The following CFAP54 variants were observed in gnomAD, a reference collection of about 807,000 sequenced individuals.
CFAP54 encodes the protein cilia- and flagella-associated protein 54.
In CFAP54, 290 loss-of-function variants were observed where a neutral mutation model predicts 370.4. The ratio of observed to expected loss-of-function variants is 0.78; its 90% CI spans 0.71 to 0.86. The LOEUF is 0.86. CFAP54 is among the 40% of genes least tolerant of loss of function. CFAP54 has a pLI of 0.00. For missense variants in CFAP54, 3,399 were observed against 3,528.7 expected, an observed-to-expected ratio of 0.96 and a Z score of 0.93; for synonymous variants, 1,206 against 1,236.5, an observed-to-expected ratio of 0.98 and a Z score of 0.52.
chr12:96,826,001 A>T (rs1042876772), intron 65 of CFAP54, among the ~76,000 whole-genome samples: 2 of 144,014 alleles, frequency 1.4e-5, no homozygotes. Flanking sequence ...ATAAATAACA[A>T]TATATTAATA....
intron 3 of CFAP54, 144 bp downstream of exon 3, chr12:96,504,173 C>T (rs973736828): frequency 4.1e-5 from 30 of 728,572 alleles, no homozygotes; most frequent in Non-Finnish European, 5.4e-5. Flanking sequence ...ACTTTCAGTG[C>T]TGGATAAGAA....
At chr12:96,500,993 T>C (rs1477384050) in intron 2 of CFAP54, 54 bp downstream of exon 2, 8 of 1,092,448 alleles carry the variant, frequency 7.3e-6, no homozygotes, top group African/African-American at 1.6e-5. Context: ...CTAATTATTA[T>C]TACAGTATTT....
At chr12:96,657,669 C>T (rs1398623411) in intron 36 of CFAP54, among the ~76,000 whole-genome samples, 1 of 152,170 alleles carries the variant, frequency 6.6e-6, no homozygotes, top group South Asian at 2.1e-4. Flanking sequence ...CGATAATGAA[C>T]AGCACAAATA....
chr12:96,857,190 T>G (rs1959728411), intron 66 of CFAP54, among the ~76,000 whole-genome samples: 2 of 152,154 alleles, frequency 1.3e-5, no homozygotes, highest in African/African-American at 4.8e-5. Flanking sequence ...ACATGGGGAT[T>G]ATGGGAACTA....
At chr12:96,821,798 A>T (rs967068365) in intron 65 of CFAP54, among the ~76,000 whole-genome samples, 1 of 151,740 alleles carries the variant, frequency 6.6e-6, no homozygotes, top group Non-Finnish European at 1.5e-5. Context: ...CTTCACATGG[A>T]GCTAATTAGA....
Position 96,786,618 on chromosome 12 carries a change from T to C in CFAP54, c.8456-57T>C, listed in dbSNP as rs114664434. ...GGTTAGTGAGCAAATACCAGCAATA[T>C]TGAGATCATCCCGTTTTCTAATATG... On this transcript the variant is annotated intron_variant, in intron 61 of 67. Transcript: ENST00000524981. 3.1e-3 allele frequency: 3,952 copies of C among 1,267,784 alleles called. 109 individuals are homozygous for C. In the African/African-American group the frequency reaches 0.053, roughly 17 times the overall value. 78.5% of individuals were successfully genotyped at this position (1,267,784 alleles called of 1,614,324 possible).
intron 66 of CFAP54, among the ~76,000 whole-genome samples, chr12:96,847,148 A>G (rs140624174): frequency 1.5e-4 from 23 of 152,276 alleles, no homozygotes; most frequent in African/African-American, 5.3e-4. Context: ...ATGATAACCA[A>G]TTTATAAAGG....
At chr12:96,825,536 C>A in intron 65 of CFAP54, among the ~76,000 whole-genome samples, 1 of 106,354 alleles carries the variant, frequency 9.4e-6, no homozygotes, top group South Asian at 2.8e-4. Flanking sequence ...ATATTATTTA[C>A]TATATATTAT....
chr12:96,806,213 T>TAA (rs3064716), intron 63 of CFAP54, among the ~76,000 whole-genome samples: 2,694 of 49,228 alleles, frequency 0.055, 297 homozygotes, highest in South Asian at 0.096. Flanking sequence ...TATATATATA[T>TAA]AATAACAACA....
chr12:96,513,511 C>T (rs1447690472), intron 5 of CFAP54, among the ~76,000 whole-genome samples: 5 of 152,192 alleles, frequency 3.3e-5, no homozygotes, highest in African/African-American at 9.6e-5. Flanking sequence ...GAGACCTAGA[C>T]TGGCAGATCA....
At chr12:96,847,709 C>T (rs1314330594) in intron 66 of CFAP54, among the ~76,000 whole-genome samples, 1 of 152,246 alleles carries the variant, frequency 6.6e-6, no homozygotes, top group Non-Finnish European at 1.5e-5. Context: ...CTGTTCAAAA[C>T]ATCCACTTAG....
At chr12:96,875,093 G>T (rs11608279) in intron 67 of CFAP54, 25 bp from the exon 68 acceptor site, 57,936 of 151,850 alleles carry the variant, frequency 0.38, 11,601 homozygotes, top group East Asian at 0.54. Flanking sequence ...GAAATTCAAG[G>T]TATTACTCTT....
rs1446380359 is a variant in CFAP54 at position 96,739,938 on chromosome 12, A to C, written c.6966-18A>C. ...AAATATAATACTGATAACATTTAAA[A>C]TATATTTTCTATTTTAGTGCTGCAA... On this transcript the variant is annotated intron_variant, in intron 50 of 67. Coordinates refer to ENST00000524981, the MANE Select transcript of CFAP54 (RefSeq NM_001306084.2). The C allele has an allele frequency of 2.2e-6, 3 of 1,339,334 alleles. No homozygotes were observed. The highest frequency in any genetic ancestry group is 3.1e-6 in the Non-Finnish European group (3 of 953,354). The allele number at this position is 1,339,334 out of a possible 1,614,324, so 83.0% of individuals were successfully genotyped here.
chr12:96,671,659 C>T (rs1044719140), intron 39 of CFAP54, among the ~76,000 whole-genome samples: 4 of 152,100 alleles, frequency 2.6e-5, no homozygotes, highest in South Asian at 2.1e-4. Flanking sequence ...TGGTGGCTTA[C>T]GCCTGTAATC....
intron 50 of CFAP54, among the ~76,000 whole-genome samples, chr12:96,726,169 A>G (rs1246480376): frequency 1.3e-5 from 2 of 151,146 alleles, no homozygotes; most frequent in Non-Finnish European, 3.0e-5. Context: ...CGGCTTTGGT[A>G]TCAGGATGAT....
At position 96,643,242 on chromosome 12, in the gene CFAP54, C is replaced by T. The variant is rs183196736; in HGVS notation, c.4317-936C>T. The stretch of plus-strand genomic sequence containing the variant: ...AACTCTTGGATTAAAAGCAAATCAT[C>T]AATAAACTAAAACATATTTAGAACT... On this transcript the variant is annotated intron_variant, in intron 32 of 67. Coordinates refer to ENST00000524981, the MANE Select transcript of CFAP54 (RefSeq NM_001306084.2). Among the ~76,000 whole-genome samples, 467 of 152,262 alleles carry T rather than the reference C, an allele frequency of 3.1e-3. 3 individuals are homozygous for T. Among genetic ancestry groups the T allele is most frequent in the African/African-American group, 0.01 (427 of 41,564 alleles).
At chr12:96,767,925 A>G (rs1463933546) in intron 60 of CFAP54, among the ~76,000 whole-genome samples, 3 of 152,132 alleles carry the variant, frequency 2.0e-5, no homozygotes, top group Non-Finnish European at 4.4e-5. Flanking sequence ...TTACATTCAG[A>G]GAGAAGGAAG....
At position 96,782,471 on chromosome 12, in the gene CFAP54, T is replaced by C. The variant is rs1346381773; in HGVS notation, c.8282-2246T>C. On this transcript the variant is annotated intron_variant, in intron 60 of 67. Coordinates refer to ENST00000524981, the MANE Select transcript of CFAP54 (RefSeq NM_001306084.2). ...AAGGTTGCTGGATGTAAGATTTTAT[T>C]TCTATACATTTTTAACAGAAAACGT... is the stretch of plus-strand genomic sequence containing the variant. 2.0e-5 allele frequency among the ~76,000 whole-genome samples: 3 copies of C among 152,288 alleles called. No homozygotes were observed. In the East Asian group the frequency reaches 5.8e-4, roughly 29 times the overall value.
chr12:96,605,537 G>T (rs1412438019), intron 26 of CFAP54, among the ~76,000 whole-genome samples: 2 of 152,178 alleles, frequency 1.3e-5, no homozygotes, highest in Non-Finnish European at 2.9e-5. Flanking sequence ...GCTGTATCTG[G>T]ACATCTAAAC....
Sources: gnomAD v4.1 joint callset for allele counts (sites outside exome capture counted in the v4.1 genomes callset) on GRCh38, gnomAD v4.1.1 for gene constraint, MANE v1.5 for transcripts, NCBI Gene and HGNC (gene_info 2026-07-23, HGNC 2026-07-21) for gene names.